ANXA3: variants seen among roughly 807,000 people sequenced by gnomAD.
ANXA3 encodes annexin A3.
ANXA3 carries 46 observed loss-of-function variants against 48.8 expected under a neutral mutation model. The ratio of observed to expected loss-of-function variants is 0.94; its 90% CI spans 0.74 to 1.21. ANXA3 has a LOEUF of 1.21. Among genes scored for constraint, ANXA3 ranks in the 50% most tolerant of loss-of-function variants. The probability of loss-of-function intolerance (pLI) is 0.00; values close to 1 mark genes in which losing one functional copy is unlikely to be tolerated. For missense variants in ANXA3, 383 were observed against 378.6 expected (o/e 1.01, Z -0.10); for synonymous variants, 128 against 134.7 (o/e 0.95, Z 0.35).
chr4:78,585,063 G>A (rs948062320), intron 5 of ANXA3, among the ~76,000 whole-genome samples: 13 of 152,250 alleles, frequency 8.5e-5, no homozygotes, highest in African/African-American at 3.1e-4. Context: ...GAGAGGGCAT[G>A]ACCTCAGTGT....
Position 78,591,685 on chromosome 4 carries a change from A to G in ANXA3, c.483+62A>G, listed in dbSNP as rs1414443599. On this transcript the variant is annotated intron_variant, in intron 7 of 12. Transcript: ENST00000264908. ...AGCTGCATGCTCAATAACAATTTTTAGGGAGTTTAAAAATAACCAAACTGA... is the reference window on the plus strand; with the variant it reads ...AGCTGCATGCTCAATAACAATTTTTGGGGAGTTTAAAAATAACCAAACTGA... The G allele has an allele frequency of 3.2e-6, 4 of 1,235,754 alleles. No homozygotes were observed. In the African/African-American group the frequency reaches 4.5e-5, roughly 14 times the overall value. The allele number at this position is 1,235,754 out of a possible 1,614,324, so 76.5% of individuals were successfully genotyped here. A position where few individuals can be genotyped will look rare whatever the true frequency, so the allele number is the denominator to read the frequency against.
intron 2 of ANXA3, 97 bp from the exon 3 acceptor site, chr4:78,573,083 T>A (rs1722871691): frequency 1.1e-6 from 1 of 928,818 alleles, no homozygotes; most frequent in Non-Finnish European, 1.8e-6. Flanking sequence ...AATTATGGGT[T>A]TGTCATATGC....
chr4:78,575,036 A>G (rs1722918522), intron 3 of ANXA3, among the ~76,000 whole-genome samples: 1 of 152,182 alleles, frequency 6.6e-6, no homozygotes, highest in African/African-American at 2.4e-5. Flanking sequence ...TAGTAAGACT[A>G]TTCCATTTTT....
At chr4:78,578,825 CT>C (rs140875156) in intron 3 of ANXA3, among the ~76,000 whole-genome samples, 16,173 of 150,556 alleles carry the variant, frequency 0.11, 2,818 homozygotes, top group African/African-American at 0.36. Context: ...ATAAAGTTAA[CT>C]TTTTTTTTCC....
At chr4:78,587,890 G>T (rs774182861) in intron 6 of ANXA3, among the ~76,000 whole-genome samples, 7 of 152,008 alleles carry the variant, frequency 4.6e-5, no homozygotes, top group Non-Finnish European at 7.4e-5. Context: ...TCAGGAGTTC[G>T]AGACCAGCCT....
At chr4:78,555,744 G>A (rs1193012873) in intron 2 of ANXA3, among the ~76,000 whole-genome samples, 2 of 151,784 alleles carry the variant, frequency 1.3e-5, no homozygotes, top group East Asian at 1.9e-4. Context: ...CTAGATACTT[G>A]GGAGGCTCAG....
intron 2 of ANXA3, among the ~76,000 whole-genome samples, chr4:78,561,348 T>A (rs761558773): frequency 1.3e-5 from 2 of 152,076 alleles, no homozygotes; most frequent in Non-Finnish European, 2.9e-5. Flanking sequence ...ATGGCAGTAG[T>A]GGTAGAGGCT....
intron 10 of ANXA3, among the ~76,000 whole-genome samples, chr4:78,600,429 G>T (rs1188873662): frequency 6.6e-6 from 1 of 152,166 alleles, no homozygotes; most frequent in African/African-American, 2.4e-5. Context: ...AGTTGGCAGG[G>T]AGGTGACTGG....
chr4:78,558,622 T>C (rs1722565763), intron 2 of ANXA3, among the ~76,000 whole-genome samples: 1 of 152,254 alleles, frequency 6.6e-6, no homozygotes. Flanking sequence ...TTCTTAGGTC[T>C]TTTATATTCT....
chr4:78,586,500 A>G (rs917158288), intron 6 of ANXA3, 150 bp downstream of exon 6: 11 of 571,722 alleles, frequency 1.9e-5, no homozygotes, highest in African/African-American at 1.1e-4. Context: ...GCTAAAGACT[A>G]TGAGTTTCCA....
At chr4:78,588,526 G>C (rs1723225503) in intron 6 of ANXA3, among the ~76,000 whole-genome samples, 1 of 152,202 alleles carries the variant, frequency 6.6e-6, no homozygotes, top group Admixed American at 6.5e-5. Context: ...TCAGAAACTG[G>C]AAGCTAGAAT....
At chr4:78,595,709 C>T in intron 8 of ANXA3, 85 bp from the exon 9 acceptor site, 1 of 868,510 alleles carries the variant, frequency 1.2e-6, no homozygotes, top group Admixed American at 2.2e-5. Context: ...ATGGCACTGA[C>T]CTCTGAAATA....
intron 2 of ANXA3, among the ~76,000 whole-genome samples, chr4:78,563,564 G>C (rs546196847): frequency 6.6e-6 from 1 of 152,130 alleles, no homozygotes; most frequent in Non-Finnish European, 1.5e-5. Context: ...AGAAGGTGCC[G>C]TATATGAACC....
At chr4:78,557,961 G>A (rs757473581) in intron 2 of ANXA3, among the ~76,000 whole-genome samples, 21 of 152,238 alleles carry the variant, frequency 1.4e-4, no homozygotes, top group Non-Finnish European at 2.9e-4. Flanking sequence ...CCAAGAGGTA[G>A]AAGCAGCCCA....
Position 78,597,429 on chromosome 4 carries a change from G to T in ANXA3, c.730+15G>T, listed in dbSNP as rs1723445296. ...GTTGGCCATAGGTAAGACTTCGAGT[G>T]CTGGTAAACTAAGTTACTTTGCACT... is the stretch of plus-strand genomic sequence containing the variant. On this transcript the variant is annotated intron_variant, in intron 10 of 12. Transcript: ENST00000264908. 6.6e-7 allele frequency: 1 copy of T among 1,524,624 alleles called. No individual in the cohort carries two copies. Among genetic ancestry groups the T allele is most frequent in the Non-Finnish European group, 9.0e-7 (1 of 1,106,824 alleles). 94.4% of individuals were successfully genotyped at this position (1,524,624 alleles called of 1,614,324 possible). A position where few individuals can be genotyped will look rare whatever the true frequency, so the allele number is the denominator to read the frequency against.
chr4:78,609,647 C>T (rs185388167), intron 12 of ANXA3, among the ~76,000 whole-genome samples: 276 of 152,202 alleles, frequency 1.8e-3, no homozygotes, highest in African/African-American at 6.1e-3. Context: ...ATGGGGGATA[C>T]GTATAGTACC....
intron 2 of ANXA3, among the ~76,000 whole-genome samples, chr4:78,554,738 A>G (rs1273835082): frequency 6.6e-6 from 1 of 152,266 alleles, no homozygotes; most frequent in African/African-American, 2.4e-5. Context: ...AATTTAGTAT[A>G]TAATTTGGGA....
At chr4:78,597,438 C>CT in intron 10 of ANXA3, 24 bp downstream of exon 10, 1 of 1,479,252 alleles carries the variant, frequency 6.8e-7, no homozygotes. Flanking sequence ...TGCTGGTAAA[C>CT]TAAGTTACTT....
intron 2 of ANXA3, among the ~76,000 whole-genome samples, chr4:78,561,064 G>T (rs1343391916): frequency 1.3e-5 from 2 of 152,106 alleles, no homozygotes; most frequent in Admixed American, 6.6e-5. Context: ...TTAATGTTTG[G>T]TAATAAATAT....
Sources: allele counts gnomAD v4.1 joint callset (sites outside exome capture counted in the v4.1 genomes callset), GRCh38; gene constraint gnomAD v4.1.1; transcripts MANE v1.5; gene names NCBI Gene and HGNC (gene_info 2026-07-23, HGNC 2026-07-21).